AGBL3: variants seen among roughly 807,000 people sequenced by gnomAD.
AGBL3 encodes AGBL carboxypeptidase 3.
A neutral mutation model predicts 94.5 loss-of-function variants in AGBL3; 68 were observed. The ratio of observed to expected loss-of-function variants is 0.72; its 90% confidence interval spans 0.59 to 0.88. The LOEUF (loss-of-function observed/expected upper bound fraction) is 0.88, where lower values mean the gene tolerates loss of function less well. Ranked by LOEUF, AGBL3 falls within the 40% of genes least tolerant of loss-of-function variation. The pLI, the probability that AGBL3 is intolerant of heterozygous loss-of-function variation, is 0.00. For synonymous variants in AGBL3, 354 were observed against 370.7 expected (o/e 0.95, Z 0.52); for missense variants, 934 against 1,103.8 (o/e 0.85, Z 2.18).
intron 5 of AGBL3, among the ~76,000 whole-genome samples, chr7:135,024,307 G>T (rs1814846536): frequency 6.6e-6 from 1 of 152,176 alleles, no homozygotes; most frequent in East Asian, 1.9e-4. Flanking sequence ...GAGCCCTATG[G>T]CTAAGAGCTT....
intron 5 of AGBL3, among the ~76,000 whole-genome samples, chr7:135,024,786 G>GA (rs1463876667): frequency 2.6e-5 from 4 of 152,080 alleles, no homozygotes; most frequent in African/African-American, 4.8e-5. Flanking sequence ...GCCATTTTAA[G>GA]AAAAAACCAA....
rs1414541335 is a variant in AGBL3, at chr7:135,045,913, T to C, written c.1841+2T>C. 5 of 1,520,026 alleles carry C rather than the reference T, an allele frequency of 3.3e-6. No individual in the cohort carries two copies. Among genetic ancestry groups the C allele is most frequent in the Non-Finnish European group, 2.7e-6 (3 of 1,121,772 alleles). 94.2% of individuals were successfully genotyped at this position (1,520,026 alleles called of 1,614,324 possible). On this transcript the variant is annotated splice_donor_variant, in intron 11 of 16. Transcript: ENST00000436302. LOFTEE classifies it high-confidence loss of function. ...CATTACATTGGATGTAGAGTCTAGG[T>C]AACTCAAGGCTGCTGAAGTAATGCA... is the stretch of plus-strand genomic sequence containing the variant.
intron 12 of AGBL3, 66 bp downstream of exon 12, chr7:135,059,301 T>C (rs1479565663): frequency 1.8e-6 from 2 of 1,117,574 alleles, no homozygotes; most frequent in African/African-American, 1.8e-5. Flanking sequence ...TTGTGACTAA[T>C]AATCAGGCAA....
At chr7:135,096,624 G>GAT (rs1585088072) in intron 15 of AGBL3, among the ~76,000 whole-genome samples, 1 of 147,930 alleles carries the variant, frequency 6.8e-6, no homozygotes. Context: ...TAGATAGATA[G>GAT]GGCTATTCTT....
intron 4 of AGBL3, among the ~76,000 whole-genome samples, chr7:135,001,260 G>A (rs1263311232): frequency 6.6e-6 from 1 of 152,124 alleles, no homozygotes; most frequent in East Asian, 1.9e-4. Flanking sequence ...AACAGATTTT[G>A]GAACCTCAGT....
chr7:135,114,348 G>T (rs1183715279), intron 15 of AGBL3, among the ~76,000 whole-genome samples: 3 of 152,046 alleles, frequency 2.0e-5, no homozygotes, highest in Non-Finnish European at 4.4e-5. Flanking sequence ...CTAAATCCTT[G>T]CCAGCACTTG....
At chr7:135,033,844 T>C (rs1375138075) in intron 6 of AGBL3, among the ~76,000 whole-genome samples, 1 of 152,174 alleles carries the variant, frequency 6.6e-6, no homozygotes, top group Non-Finnish European at 1.5e-5. Flanking sequence ...TAATCATTTC[T>C]TATATAGAAA....
At chr7:135,059,335 T>G in intron 12 of AGBL3, 100 bp downstream of exon 12, 1 of 624,998 alleles carries the variant, frequency 1.6e-6, no homozygotes, top group East Asian at 3.2e-5. Context: ...TATGTAATTA[T>G]TGTATCATCA....
chr7:135,134,069 A>G (rs1397576698), intron 16 of AGBL3, among the ~76,000 whole-genome samples: 1 of 152,162 alleles, frequency 6.6e-6, no homozygotes. Context: ...CCAGGAATTA[A>G]GGAGGGGATG....
chr7:135,119,704 C>G (rs13242692), intron 16 of AGBL3, among the ~76,000 whole-genome samples: 3 of 151,912 alleles, frequency 2.0e-5, no homozygotes, highest in African/African-American at 7.2e-5. Context: ...GGTGAAACCC[C>G]GTCTCTACTA....
chr7:135,076,697 A>C (rs1820482779), intron 13 of AGBL3, among the ~76,000 whole-genome samples: 1 of 152,180 alleles, frequency 6.6e-6, no homozygotes. Context: ...TTACTCTAAA[A>C]AGTATTTGAG....
rs1278812876 is a variant in AGBL3, at chr7:135,080,235, C to T, written c.2013C>T (p.His671=). The part of the protein sequence containing the change: ...VYDRGHLLQR[H]TQSNSDVKDT... ...ATAGAGGGCATTTGCTGCAAAGACACACACAATCAAATTCTGATGTGAAAG... is the reference window on the plus strand; with the variant it reads ...ATAGAGGGCATTTGCTGCAAAGACATACACAATCAAATTCTGATGTGAAAG... Residue 671 remains histidine, a synonymous_variant, in exon 14 of 17, where the codon CAC becomes CAT. Coordinates refer to ENST00000436302, the MANE Select transcript of AGBL3 (RefSeq NM_178563.4). 1.3e-6 allele frequency: 2 copies of T among 1,549,654 alleles called. No individual in the cohort carries two copies. Among genetic ancestry groups the T allele is most frequent in the Non-Finnish European group, 1.7e-6 (2 of 1,145,442 alleles).
At chr7:135,013,108 AC>A (rs1448924205) in intron 4 of AGBL3, among the ~76,000 whole-genome samples, 2 of 152,188 alleles carry the variant, frequency 1.3e-5, no homozygotes, top group African/African-American at 2.4e-5. Flanking sequence ...TTTAAAATGG[AC>A]AAAAGACTCG....
At chr7:135,055,691 T>G (rs1285553039) in intron 11 of AGBL3, among the ~76,000 whole-genome samples, 2 of 152,210 alleles carry the variant, frequency 1.3e-5, no homozygotes, top group Non-Finnish European at 1.5e-5. Context: ...TTTTTGCACC[T>G]GTGTTCATAA....
chr7:135,133,738 T>C (rs1007092780), intron 16 of AGBL3, among the ~76,000 whole-genome samples: 4 of 152,226 alleles, frequency 2.6e-5, no homozygotes, highest in African/African-American at 9.6e-5. Flanking sequence ...AAATGAACTT[T>C]AAACTTACAT....
chr7:135,118,794 T>G (rs896425571), intron 16 of AGBL3, among the ~76,000 whole-genome samples: 3 of 151,920 alleles, frequency 2.0e-5, no homozygotes, highest in Non-Finnish European at 4.4e-5. Context: ...AATAAAAAAA[T>G]AGCCTCAGCA....
chr7:135,113,735 G>C (rs1413965689), intron 15 of AGBL3, among the ~76,000 whole-genome samples: 1 of 152,168 alleles, frequency 6.6e-6, no homozygotes. Flanking sequence ...GTTAAGTACA[G>C]TCGCATTGTG....
intron 16 of AGBL3, among the ~76,000 whole-genome samples, chr7:135,123,439 G>A (rs182512962): frequency 3.3e-5 from 5 of 152,204 alleles, no homozygotes; most frequent in East Asian, 1.9e-4. Flanking sequence ...TGAGGGAGAC[G>A]GAGAATGGAA....
chr7:134,995,854 T>TG (rs1245128212), intron 4 of AGBL3, among the ~76,000 whole-genome samples: 1 of 152,196 alleles, frequency 6.6e-6, no homozygotes, highest in Non-Finnish European at 1.5e-5. Context: ...CCTGAAATTT[T>TG]TGCAAGCTCT....
Sources: allele counts gnomAD v4.1 joint callset (sites outside exome capture counted in the v4.1 genomes callset), GRCh38; gene constraint gnomAD v4.1.1; transcripts MANE v1.5; gene names NCBI Gene and HGNC (gene_info 2026-07-23, HGNC 2026-07-21).